The following PTPRK variants were observed in gnomAD, a reference collection of about 807,000 sequenced individuals.
The protein encoded by PTPRK is receptor-type tyrosine-protein phosphatase kappa.
PTPRK carries 75 observed loss-of-function variants against 178.0 expected under a neutral mutation model. The observed-to-expected ratio is 0.42, with a 90% CI of 0.35 to 0.51. The LOEUF (loss-of-function observed/expected upper bound fraction) is 0.51. PTPRK is among the 20% of genes least tolerant of loss of function. The pLI, the probability that PTPRK is intolerant of heterozygous loss-of-function variation, is 0.02. For missense variants in PTPRK, 1,441 were observed against 1,797.8 expected, an observed-to-expected ratio of 0.80 and a Z score of 3.59; for synonymous variants, 637 against 620.6, an observed-to-expected ratio of 1.03 and a Z score of -0.39.
Position 128,459,045 on chromosome 6 carries a change from T to C in PTPRK, c.100+61214A>G, listed in dbSNP as rs553852347. Among the ~76,000 whole-genome samples the C allele has an allele frequency of 8.5e-5, 13 of 152,234 alleles. No homozygotes were observed. In the South Asian group the frequency reaches 1.0e-3, roughly 12 times the overall value. On this transcript the variant is annotated intron_variant, in intron 1 of 29. Transcript: ENST00000368226. ...AATTGGAATGTTTAAATATGAGCAGTACAGGTTAAAAGTATCAGGAATCTA... is the reference window on the plus strand; with the variant it reads ...AATTGGAATGTTTAAATATGAGCAGCACAGGTTAAAAGTATCAGGAATCTA...
At chr6:128,260,251 G>C (rs954734902) in intron 3 of PTPRK, among the ~76,000 whole-genome samples, 1 of 152,018 alleles carries the variant, frequency 6.6e-6, no homozygotes, top group Admixed American at 6.6e-5. Flanking sequence ...TTATAGCAGA[G>C]GAGTGACATA....
At chr6:128,291,455 T>C (rs1442567732) in intron 3 of PTPRK, among the ~76,000 whole-genome samples, 1 of 152,160 alleles carries the variant, frequency 6.6e-6, no homozygotes, top group African/African-American at 2.4e-5. Context: ...TGTTATGGGA[T>C]AAATTAGAAA....
chr6:128,072,392 T>G (rs1782984825), intron 11 of PTPRK, among the ~76,000 whole-genome samples: 1 of 152,108 alleles, frequency 6.6e-6, no homozygotes, highest in East Asian at 1.9e-4. Context: ...ACAGCATAGC[T>G]TAGCCTAGCC....
chr6:127,972,068 T>C (rs1562361365), intron 29 of PTPRK, among the ~76,000 whole-genome samples: 1 of 151,762 alleles, frequency 6.6e-6, no homozygotes, highest in Admixed American at 6.6e-5. Flanking sequence ...GTAGAAAGGG[T>C]GGAAGTCTGG....
At chr6:128,381,164 A>C (rs2128356383) in intron 2 of PTPRK, among the ~76,000 whole-genome samples, 1 of 152,324 alleles carries the variant, frequency 6.6e-6, no homozygotes, top group Middle Eastern at 3.4e-3. Flanking sequence ...ATTAAGTAAA[A>C]TTCAAAGTAA....
intron 13 of PTPRK, among the ~76,000 whole-genome samples, chr6:128,044,220 G>C (rs1777669028): frequency 6.6e-6 from 1 of 152,020 alleles, no homozygotes; most frequent in African/African-American, 2.4e-5. Flanking sequence ...AGTCGCACAT[G>C]CCAAAAACCT....
At chr6:128,340,773 T>C (rs1831554310) in intron 2 of PTPRK, 1 of 487,484 alleles carries the variant, frequency 2.1e-6, no homozygotes, top group South Asian at 1.6e-5. Flanking sequence ...TTTTATATTT[T>C]ACATTTCACT....
intron 1 of PTPRK, among the ~76,000 whole-genome samples, chr6:128,504,581 A>G (rs1856054388): frequency 2.0e-5 from 3 of 152,216 alleles, no homozygotes; most frequent in Non-Finnish European, 4.4e-5. Context: ...TGGGATGTGC[A>G]TTCCTGATAA....
At chr6:128,134,662 T>A (rs963731339) in intron 7 of PTPRK, among the ~76,000 whole-genome samples, 1 of 152,060 alleles carries the variant, frequency 6.6e-6, no homozygotes, top group Admixed American at 6.6e-5. Context: ...AATACCAACA[T>A]TAGCCAGGCA....
Position 128,257,718 on chromosome 6 carries a change from TTAAAA to T in PTPRK, c.496-15121_496-15117del, listed in dbSNP as rs1181878457. ...GCTTCACTTAAATTTAATTTCAGAC[TTAAAA>T]TAATGTCATAAACATTGTCTTCACT... On this transcript the variant is annotated intron_variant, in intron 3 of 29. Coordinates refer to ENST00000368226, the MANE Select transcript of PTPRK (RefSeq NM_002844.4). 3.3e-5 allele frequency among the ~76,000 whole-genome samples: 5 copies of T among 152,194 alleles called. No homozygotes were observed. In the East Asian group the frequency reaches 9.6e-4, roughly 29 times the overall value.
intron 6 of PTPRK, among the ~76,000 whole-genome samples, chr6:128,212,446 T>A (rs1808374087): frequency 6.6e-6 from 1 of 151,960 alleles, no homozygotes; most frequent in Admixed American, 6.6e-5. Context: ...GATAGGGGAA[T>A]ATAAACTACG....
chr6:128,321,965 T>G, intron 3 of PTPRK, 74 bp downstream of exon 3: 1 of 1,583,168 alleles, frequency 6.3e-7, no homozygotes. Context: ...AGATGCATAT[T>G]TACATCTATG....
intron 3 of PTPRK, among the ~76,000 whole-genome samples, chr6:128,277,838 C>T (rs916491396): frequency 1.3e-5 from 2 of 150,618 alleles, no homozygotes; most frequent in Middle Eastern, 3.5e-3. Context: ...ATCTGAGGTA[C>T]TTAAAACTGT....
At chr6:128,067,879 C>T (rs1190679450) in intron 11 of PTPRK, 87 bp from the exon 12 acceptor site, 10 of 1,199,882 alleles carry the variant, frequency 8.3e-6, no homozygotes, top group Middle Eastern at 2.1e-4. Flanking sequence ...AAGGGGTTGA[C>T]TATTAACACA....
At chr6:128,268,397 G>A (rs985872994) in intron 3 of PTPRK, among the ~76,000 whole-genome samples, 8 of 151,908 alleles carry the variant, frequency 5.3e-5, no homozygotes, top group East Asian at 1.9e-4. Flanking sequence ...TATTTTCTAC[G>A]TGAGAGGAAA....
intron 6 of PTPRK, among the ~76,000 whole-genome samples, chr6:128,192,494 C>T (rs897806677): frequency 1.3e-5 from 2 of 151,896 alleles, no homozygotes; most frequent in African/African-American, 4.8e-5. Context: ...TAACAATGCC[C>T]CAAAGAAAAA....
At chr6:128,451,935 A>G (rs1847846272) in intron 1 of PTPRK, among the ~76,000 whole-genome samples, 1 of 152,220 alleles carries the variant, frequency 6.6e-6, no homozygotes, top group Non-Finnish European at 1.5e-5. Context: ...AAATGAAAAT[A>G]TGCTTTTCAT....
chr6:128,373,292 G>T (rs1299255526), intron 2 of PTPRK, among the ~76,000 whole-genome samples: 1 of 152,196 alleles, frequency 6.6e-6, no homozygotes, highest in Non-Finnish European at 1.5e-5. Context: ...AGGCACAGAT[G>T]CATATGCAAT....
At chr6:128,398,658 G>A (rs1431219489) in intron 1 of PTPRK, among the ~76,000 whole-genome samples, 1 of 152,126 alleles carries the variant, frequency 6.6e-6, no homozygotes, top group Non-Finnish European at 1.5e-5. Context: ...GCTTTTTAGG[G>A]TCTAAAGTGT....
Sources: gnomAD v4.1 joint callset for allele counts (sites outside exome capture counted in the v4.1 genomes callset) on GRCh38, gnomAD v4.1.1 for gene constraint, MANE v1.5 for transcripts, NCBI Gene and HGNC (gene_info 2026-07-23, HGNC 2026-07-21) for gene names.